ARHGEF16: variants seen among roughly 807,000 people sequenced by gnomAD.
ARHGEF16 encodes the protein Rho guanine exchange factor (GEF) 16.
Under a neutral mutation model 74.1 loss-of-function variants are expected in ARHGEF16, and 59 were observed. The observed-to-expected ratio is 0.80, with a 90% CI of 0.65 to 0.99. ARHGEF16 has a LOEUF of 0.99. Among genes scored for constraint, ARHGEF16 ranks in the 50% least tolerant of loss-of-function variants. The pLI is 0.00. For synonymous variants in ARHGEF16, 415 were observed against 412.6 expected (o/e 1.01, Z -0.07); for missense variants, 948 against 986.6 (o/e 0.96, Z 0.52).
rs775696698 is a variant in ARHGEF16, at chr1:3,467,252, G to C, written c.719G>C (p.Ser240Thr). 53 of 1,550,540 alleles carry C rather than the reference G, an allele frequency of 3.4e-5. No homozygotes were observed. In the East Asian group the frequency reaches 1.2e-3, roughly 34 times the overall value. Residue 240 changes from serine (S) to threonine (T), a missense_variant, in exon 4 of 15, where the codon AGC becomes ACC. By Grantham distance (58) the Ser-to-Thr change is moderately conservative (BLOSUM62 1). Coordinates refer to ENST00000378378, the MANE Select transcript of ARHGEF16 (RefSeq NM_014448.4). ...SDDDILDESS[S>T]PEGTQKVDAT... Reference sequence around the variant, plus strand: ...GACGACATCCTCGATGAGTCCTCCAGCCCCGAGGGAACCCAGAAGGTGGAC... The same window carrying C: ...GACGACATCCTCGATGAGTCCTCCACCCCCGAGGGAACCCAGAAGGTGGAC...
At chr1:3,469,220 G>A (rs987884868) in intron 5 of ARHGEF16, among the ~76,000 whole-genome samples, 12 of 152,158 alleles carry the variant, frequency 7.9e-5, no homozygotes, top group Non-Finnish European at 1.5e-4. Context: ...AGCTTCAGCC[G>A]GCTCATAAGG....
intron 6 of ARHGEF16, chr1:3,471,742 C>A: frequency 1.7e-6 from 2 of 1,203,006 alleles, no homozygotes; most frequent in Non-Finnish European, 1.1e-6. Context: ...GGGCCCCCGA[C>A]AGCTCCTGGC....
chr1:3,477,730 G>A, intron 10 of ARHGEF16, 145 bp from the exon 11 acceptor site: 1 of 732,314 alleles, frequency 1.4e-6, no homozygotes, highest in Non-Finnish European at 2.2e-6. Flanking sequence ...CCGACTGAGG[G>A]CAGCCAGCTG....
chr1:3,469,366 G>T, intron 5 of ARHGEF16, 67 bp from the exon 6 acceptor site: 3 of 1,575,184 alleles, frequency 1.9e-6, no homozygotes, highest in Non-Finnish European at 2.6e-6. Flanking sequence ...CCTGTTCCAA[G>T]CATTGGTCAC....
At chr1:3,471,926 A>C in intron 6 of ARHGEF16, 3 of 672,098 alleles carry the variant, frequency 4.5e-6, no homozygotes, top group Non-Finnish European at 5.7e-6. Flanking sequence ...GAGGCCTCCC[A>C]TGACCTGCTG....
At chr1:3,465,727 C>T (rs550909648) in intron 2 of ARHGEF16, among the ~76,000 whole-genome samples, 1 of 152,334 alleles carries the variant, frequency 6.6e-6, no homozygotes, top group African/African-American at 2.4e-5. Context: ...TCCCGGCCTC[C>T]TGCTGGGGCC....
At chr1:3,469,218 C>T (rs1639635391) in intron 5 of ARHGEF16, among the ~76,000 whole-genome samples, 1 of 152,168 alleles carries the variant, frequency 6.6e-6, no homozygotes, top group Admixed American at 6.5e-5. Flanking sequence ...CCAGCTTCAG[C>T]CGGCTCATAA....
chr1:3,464,220 C>T (rs1028714902), intron 2 of ARHGEF16, among the ~76,000 whole-genome samples: 1 of 152,192 alleles, frequency 6.6e-6, no homozygotes, highest in African/African-American at 2.4e-5. Context: ...GGCGGCAGAC[C>T]CTTTGCTGGG....
At chr1:3,479,406 A>C (rs1360184967) in intron 12 of ARHGEF16, 111 bp from the exon 13 acceptor site, 95 of 1,005,288 alleles carry the variant, frequency 9.5e-5, no homozygotes, top group Admixed American at 1.8e-4. Flanking sequence ...GCCCACCCCC[A>C]CCACCCCCAT....
In ARHGEF16 at chr1:3,473,406, G is replaced by A. The variant is rs768974266; in HGVS notation, c.1189G>A (p.Ala397Thr). ...GTCCTCTTGCAGAAGCAGCAACGCC[G>A]CCTTCCGAGAGGCCCTGAGAGAGAT... ...TLQKLISSNA[A>T]FREALREIER... The change falls in exon 8 of 15, where the codon GCC (alanine) becomes ACC (threonine). Residue 397 changes from alanine to threonine, a missense_variant. Ala to Thr is a moderately conservative substitution (Grantham distance 58). Transcript: ENST00000378378. 2.0e-5 allele frequency: 32 copies of A among 1,608,442 alleles called. No homozygotes were observed. Among genetic ancestry groups the A allele is most frequent in the East Asian group, 1.6e-4 (7 of 44,796 alleles).
At position 3,480,477 on chromosome 1, in the gene ARHGEF16, GGA is replaced by G. The variant is rs1044888038; in HGVS notation, c.2025_2026del (p.Glu675AspfsTer58). 16 of 1,612,624 alleles carry G rather than the reference GGA, an allele frequency of 9.9e-6. No individual in the cohort carries two copies. The highest frequency in any genetic ancestry group is 1.7e-5 in the Admixed American group (1 of 60,028). On this transcript the variant is annotated frameshift_variant, in exon 15 of 15. Transcript: ENST00000378378. LOFTEE classifies it low-confidence loss of function (END_TRUNC). ...GWLYGERLRD[G>X]ETGWFPEDFA... The stretch of plus-strand genomic sequence containing the variant: ...GCTCTATGGCGAGAGGCTCCGGGAC[GGA>G]GAGACGGGATGGTTCCCCGAGGACT...
intron 1 of ARHGEF16, among the ~76,000 whole-genome samples, chr1:3,462,547 C>T (rs958316365): frequency 1.3e-5 from 2 of 152,186 alleles, no homozygotes; most frequent in African/African-American, 2.4e-5. Context: ...TGATGCCGGC[C>T]TCAGGAAGCC....
rs371557779 is a variant in ARHGEF16, at chr1:3,478,488, C to G, written c.1690C>G (p.Pro564Ala). The G allele has an allele frequency of 6.2e-7, 1 of 1,612,468 alleles. No homozygotes were observed. The highest frequency in any genetic ancestry group is 8.5e-7 in the Non-Finnish European group (1 of 1,179,842). ...CCACATCCAGGTGGAGAAGATAGAG[C>G]CGTCTGAGCTCCCTCTGCCCGGGGG... The part of the protein sequence containing the change: ...MNHIQVEKIE[P>A]SELPLPGGGN... Residue 564 changes from proline (P) to alanine (A), a missense_variant, in exon 12 of 15, where the codon CCG becomes GCG. Pro to Ala is a conservative substitution (Grantham distance 27). Transcript: ENST00000378378.
Position 3,480,674 on chromosome 1 carries a change from C to T in ARHGEF16, c.*87C>T. ...GCTCTAGAGAGCGTGGGGAGCTGGT[C>T]TCAAGGACCCAGCATGGTTCCCTGG... is the stretch of plus-strand genomic sequence containing the variant. On this transcript the variant is annotated 3_prime_UTR_variant, in exon 15 of 15. Coordinates refer to ENST00000378378, the MANE Select transcript of ARHGEF16 (RefSeq NM_014448.4). 1 of 1,508,790 alleles carries T rather than the reference C, an allele frequency of 6.6e-7. No homozygotes were observed. The highest frequency in any genetic ancestry group is 2.3e-5 in the East Asian group (1 of 42,566). 93.5% of individuals were successfully genotyped at this position (1,508,790 alleles called of 1,614,324 possible). A position where few individuals can be genotyped will look rare whatever the true frequency, so the allele number is the denominator to read the frequency against.
At chr1:3,462,955 G>A in intron 1 of ARHGEF16, 111 bp from the exon 2 acceptor site, 1 of 704,808 alleles carries the variant, frequency 1.4e-6, no homozygotes, top group East Asian at 2.8e-5. Context: ...GCTGTGTCCT[G>A]GGAGCTGTAC....
chr1:3,466,323 C>T (rs1301339872), intron 3 of ARHGEF16, 130 bp downstream of exon 3: 1 of 1,003,228 alleles, frequency 1.0e-6, no homozygotes, highest in South Asian at 1.7e-5. Context: ...CAGGGTCCTT[C>T]CAGAGGCTGA....
At chr1:3,477,798 C>G in intron 10 of ARHGEF16, 77 bp from the exon 11 acceptor site, 1 of 1,433,222 alleles carries the variant, frequency 7.0e-7, no homozygotes, top group Non-Finnish European at 9.7e-7. Context: ...CCTTGACCCC[C>G]TGGGGACCTG....
chr1:3,474,873 G>T lies in ARHGEF16; in HGVS notation c.1380+91G>T, dbSNP rs191930201. 5 of 1,186,578 alleles carry T rather than the reference G, an allele frequency of 4.2e-6. No homozygotes were observed. In the East Asian group the frequency reaches 1.3e-4, roughly 30 times the overall value. 73.5% of individuals were successfully genotyped at this position (1,186,578 alleles called of 1,614,324 possible). ...CACCCTACCCGATGGCATAGGGCTG[G>T]CTTCCCCTACCTTCCAGGGCAGCGA... On this transcript the variant is annotated intron_variant, in intron 9 of 14. Coordinates refer to ENST00000378378, the MANE Select transcript of ARHGEF16 (RefSeq NM_014448.4).
chr1:3,464,870 G>T (rs1296377237), intron 2 of ARHGEF16, among the ~76,000 whole-genome samples: 2 of 152,206 alleles, frequency 1.3e-5, no homozygotes, highest in Non-Finnish European at 2.9e-5. Context: ...CAGACTGGGA[G>T]TGGCAGTGCC....
Sources: gnomAD v4.1 joint callset for allele counts (sites outside exome capture counted in the v4.1 genomes callset) on GRCh38, gnomAD v4.1.1 for gene constraint, MANE v1.5 for transcripts, NCBI Gene and HGNC (gene_info 2026-07-23, HGNC 2026-07-21) for gene names.